Variants in WNT7B observed in about 807,000 individuals in gnomAD.
The protein encoded by WNT7B is protein Wnt-7b.
WNT7B carries 19 observed loss-of-function variants against 38.2 expected under a neutral mutation model. That is an observed-to-expected ratio of 0.50 (90% CI 0.35 to 0.73). WNT7B has a LOEUF of 0.73. Ranked by LOEUF, WNT7B falls within the 30% of genes least tolerant of loss-of-function variation. The pLI is 0.01. For missense variants in WNT7B, 423 were observed against 507.9 expected, an observed-to-expected ratio of 0.83 and a Z score of 1.61; for synonymous variants, 243 against 209.3, an observed-to-expected ratio of 1.16 and a Z score of -1.39.
chr22:45,951,546 G>A lies in WNT7B; in HGVS notation c.72-1400C>T, dbSNP rs537457012. Reference sequence around the variant, plus strand: ...AAACTGTACCCATCAGTCACTCCCCGTTCTCCCCTCCCCGACCCAGCAACC... The same window carrying A: ...AAACTGTACCCATCAGTCACTCCCCATTCTCCCCTCCCCGACCCAGCAACC... On this transcript the variant is annotated intron_variant, in intron 1 of 3. Transcript: ENST00000339464. The surrounding 1 kb of genome is among the most constrained non-coding windows in gnomAD (Gnocchi z 4.8). 6.6e-5 allele frequency among the ~76,000 whole-genome samples: 10 copies of A among 152,172 alleles called. No individual in the cohort carries two copies. The highest frequency in any genetic ancestry group is 2.2e-4 in the African/African-American group (9 of 41,502).
At chr22:45,963,944 G>A (rs1046324880) in intron 1 of WNT7B, among the ~76,000 whole-genome samples, 6 of 151,992 alleles carry the variant, frequency 3.9e-5, no homozygotes, top group African/African-American at 9.7e-5. Context: ...GTGACCCCCC[G>A]CACCTCCAGG....
At chr22:45,926,496 C>T (rs2067002281) in intron 3 of WNT7B, 1 of 985,300 alleles carries the variant, frequency 1.0e-6, no homozygotes, top group African/African-American at 1.7e-5. Flanking sequence ...CAGTTACAGC[C>T]AGGCAGGGGA....
At chr22:45,972,032 G>A (rs1932454216) in intron 1 of WNT7B, 3 of 451,470 alleles carry the variant, frequency 6.6e-6, no homozygotes, top group East Asian at 7.6e-5. Flanking sequence ...GCTCCCGCGC[G>A]CGACGGTCAC....
intron 2 of WNT7B, among the ~76,000 whole-genome samples, chr22:45,942,877 G>A (rs9330795): frequency 0.86 from 129,945 of 150,616 alleles, 56,112 homozygotes; most frequent in Admixed American, 0.9. Flanking sequence ...GTGTGCGTGT[G>A]TGCATGTATG....
chr22:45,947,759 G>A (rs140841331), intron 2 of WNT7B, among the ~76,000 whole-genome samples: 6 of 152,348 alleles, frequency 3.9e-5, no homozygotes, highest in Admixed American at 3.3e-4. Context: ...GGTGTGAGGT[G>A]AGGATGGTGG....
At chr22:45,943,005 T>C (rs1022661767) in intron 2 of WNT7B, among the ~76,000 whole-genome samples, 10 of 150,654 alleles carry the variant, frequency 6.6e-5, no homozygotes, top group African/African-American at 1.7e-4. Context: ...TAGGCGTGTA[T>C]GTGTGCAGTG....
At chr22:45,933,670 G>C (rs1036225606) in intron 2 of WNT7B, among the ~76,000 whole-genome samples, 2 of 152,220 alleles carry the variant, frequency 1.3e-5, no homozygotes, top group African/African-American at 4.8e-5. Context: ...CCTCCGTGGA[G>C]TGGAGTCAAG....
chr22:45,929,466 A>C (rs1316159998), intron 3 of WNT7B, among the ~76,000 whole-genome samples: 1 of 106,480 alleles, frequency 9.4e-6, no homozygotes, highest in Non-Finnish European at 1.8e-5. Flanking sequence ...TCGTCCATCT[A>C]CTTATCCTTC....
chr22:45,931,308 G>A lies in WNT7B; in HGVS notation c.360C>T (p.Thr120=), dbSNP rs146315543. The change falls in exon 3 of 4, where the codon ACC becomes ACT. Residue 120 remains threonine (T), a synonymous_variant. Coordinates refer to ENST00000339464, the MANE Select transcript of WNT7B (RefSeq NM_058238.3). ...ITAAGVAHAV[T]AACSQGNLSN... is the part of the protein sequence containing the mutation. ...TCAGGTTCCCTTGGCTGCAGGCAGC[G>A]GTGACGGCGTGCGCCACGCCAGCCG... is the stretch of plus-strand genomic sequence containing the variant. 3,294 of 1,597,536 alleles carry A rather than the reference G, an allele frequency of 2.1e-3. 6 individuals are homozygous for A. The highest frequency in any genetic ancestry group is 2.4e-3 in the Non-Finnish European group (2,775 of 1,179,160).
intron 1 of WNT7B, among the ~76,000 whole-genome samples, chr22:45,971,888 T>C (rs1427887794): frequency 1.3e-5 from 2 of 152,104 alleles, no homozygotes; most frequent in African/African-American, 4.8e-5. Flanking sequence ...CACAGCCTGC[T>C]CTACTCCCGC....
intron 2 of WNT7B, among the ~76,000 whole-genome samples, chr22:45,947,106 C>T (rs922698726): frequency 6.6e-6 from 1 of 152,218 alleles, no homozygotes; most frequent in Non-Finnish European, 1.5e-5. Context: ...TCATGACTCC[C>T]CGCAGCTGAG....
rs1010256367 is a variant in WNT7B, at chr22:45,951,749, T to C, written c.72-1603A>G. Among the ~76,000 whole-genome samples, 4 of 152,204 alleles carry C rather than the reference T, an allele frequency of 2.6e-5. No individual in the cohort carries two copies. The highest frequency in any genetic ancestry group is 3.9e-4 in the East Asian group (2 of 5,192). Reference sequence around the variant, plus strand: ...GTTTGTAAGGCTGAGTGATATTCCATTGTGTGGACAGACCATATTTTGTGT... The same window carrying C: ...GTTTGTAAGGCTGAGTGATATTCCACTGTGTGGACAGACCATATTTTGTGT... On this transcript the variant is annotated intron_variant, in intron 1 of 3. Coordinates refer to ENST00000339464, the MANE Select transcript of WNT7B (RefSeq NM_058238.3). This position sits in a 1 kb window ranked among gnomAD's most constrained non-coding sequence, Gnocchi z 4.8.
intron 3 of WNT7B, among the ~76,000 whole-genome samples, chr22:45,929,960 A>G (rs1053236749): frequency 2.0e-5 from 3 of 149,176 alleles, no homozygotes; most frequent in Non-Finnish European, 4.4e-5. Context: ...ATCCACTCAT[A>G]CATCTATCCA....
At chr22:45,926,459 T>G in intron 3 of WNT7B, 1 of 985,314 alleles carries the variant, frequency 1.0e-6, no homozygotes, top group Non-Finnish European at 1.2e-6. Context: ...AGAATAAGGG[T>G]GTAGCCTGTG....
chr22:45,974,230 A>G (rs1162417864), intron 1 of WNT7B, among the ~76,000 whole-genome samples: 1 of 152,188 alleles, frequency 6.6e-6, no homozygotes, highest in East Asian at 1.9e-4. Flanking sequence ...GAAGAAAGGG[A>G]GGCTGAGAGG....
At chr22:45,941,850 TGG>T (rs1931657626) in intron 2 of WNT7B, among the ~76,000 whole-genome samples, 1 of 151,848 alleles carries the variant, frequency 6.6e-6, no homozygotes, top group African/African-American at 2.4e-5. Flanking sequence ...CCTGGTGTCG[TGG>T]GTTCTTTAAA....
chr22:45,976,461 C>T lies in WNT7B; in HGVS notation c.71+223G>A, dbSNP rs983214239. Among the ~76,000 whole-genome samples the T allele has an allele frequency of 2.0e-5, 3 of 151,984 alleles. No homozygotes were observed. The highest frequency in any genetic ancestry group is 4.4e-5 in the Non-Finnish European group (3 of 67,968). On this transcript the variant is annotated intron_variant, in intron 1 of 3. Transcript: ENST00000339464. The surrounding 1 kb of genome is among the most constrained non-coding windows in gnomAD (Gnocchi z 8.5). Reference sequence around the variant, plus strand: ...CCGGCCGGACCGCCCGCGCGCCCCGCTCTCTCTCCTCCCGCGCTGGGCTCG... The same window carrying T: ...CCGGCCGGACCGCCCGCGCGCCCCGTTCTCTCTCCTCCCGCGCTGGGCTCG...
chr22:45,926,212 C>T, intron 3 of WNT7B: 1 of 985,436 alleles, frequency 1.0e-6, no homozygotes, highest in South Asian at 4.7e-5. Context: ...TTTCCTTCTC[C>T]AGTGCCCTGG....
chr22:45,974,402 G>A (rs769652763), intron 1 of WNT7B, among the ~76,000 whole-genome samples: 8 of 152,168 alleles, frequency 5.3e-5, no homozygotes, highest in Non-Finnish European at 7.4e-5. Flanking sequence ...CTACCGCTGC[G>A]CGTAGCCAAG....
Sources: gnomAD v4.1 joint callset for allele counts (sites outside exome capture counted in the v4.1 genomes callset) on GRCh38, gnomAD v4.1.1 for gene constraint, Gnocchi (gnomAD v3.1) non-coding constraint, MANE v1.5 for transcripts, NCBI Gene and HGNC (gene_info 2026-07-23, HGNC 2026-07-21) for gene names.